The following PPP2R5C variants were observed in gnomAD, a reference collection of about 807,000 sequenced individuals.
PPP2R5C encodes protein phosphatase 2 regulatory subunit B'gamma.
Under a neutral mutation model 68.9 loss-of-function variants are expected in PPP2R5C, and 7 were observed. The observed-to-expected ratio is 0.10, with a 90% CI of 0.06 to 0.19. The LOEUF (loss-of-function observed/expected upper bound fraction) is 0.19, where lower values mean the gene tolerates loss of function less well. Among genes scored for constraint, PPP2R5C ranks in the 10% least tolerant of loss-of-function variants. PPP2R5C has a pLI of 1.00. For synonymous variants in PPP2R5C, 210 were observed against 222.2 expected, an observed-to-expected ratio of 0.95 and a Z score of 0.49; for missense variants, 348 against 641.3, an observed-to-expected ratio of 0.54 and a Z score of 4.94.
chr14:101,836,527 T>A (rs914188792), intron 1 of PPP2R5C: 2 of 576,034 alleles, frequency 3.5e-6, no homozygotes, highest in Non-Finnish European at 6.2e-6. Flanking sequence ...TTCAAAATAT[T>A]GTTTAGACAA....
At chr14:101,809,695 C>T, upstream of PPP2R5C, 1 of 652,908 alleles carries the variant, frequency 1.5e-6, no homozygotes, top group Non-Finnish European at 2.2e-6. Flanking sequence ...CTGCAAAAAG[C>T]CGGAAAATAT....
At chr14:101,776,296 T>C (rs531631465) in intron 2 of PPP2R5C, among the ~76,000 whole-genome samples, 1 of 152,328 alleles carries the variant, frequency 6.6e-6, no homozygotes, top group South Asian at 2.1e-4. Context: ...GTGAGTTCCC[T>C]GTAACCAGCA....
At chr14:101,875,014 A>G (rs879938466) in intron 2 of PPP2R5C, among the ~76,000 whole-genome samples, 4 of 152,230 alleles carry the variant, frequency 2.6e-5, no homozygotes, top group Non-Finnish European at 4.4e-5. Flanking sequence ...TGCTGGGATT[A>G]CAGGGGTGAG....
chr14:101,810,846 A>G (rs2140190436), intron 1 of PPP2R5C, among the ~76,000 whole-genome samples: 1 of 152,356 alleles, frequency 6.6e-6, no homozygotes, highest in Middle Eastern at 3.4e-3. Flanking sequence ...AACTACAGGC[A>G]TCAGGGTAGT....
chr14:101,824,019 G>A, intron 1 of PPP2R5C: 1 of 1,289,176 alleles, frequency 7.8e-7, no homozygotes, highest in Middle Eastern at 2.1e-4. Context: ...ACTAGGCACA[G>A]TGCCCACTTG....
chr14:101,889,479 T>G (rs1051757716), intron 5 of PPP2R5C, among the ~76,000 whole-genome samples: 2 of 152,216 alleles, frequency 1.3e-5, no homozygotes, highest in Non-Finnish European at 2.9e-5. Context: ...ATCAAACAGA[T>G]GCCAGGCTTG....
intron 1 of PPP2R5C, among the ~76,000 whole-genome samples, chr14:101,831,300 G>T (rs530447617): frequency 3.5e-4 from 53 of 152,260 alleles, no homozygotes; most frequent in African/African-American, 1.2e-3. Context: ...ATGACATTAT[G>T]TTTATTTTTG....
chr14:101,821,651 G>T (rs1257574853), intron 1 of PPP2R5C, among the ~76,000 whole-genome samples: 1 of 151,804 alleles, frequency 6.6e-6, no homozygotes, highest in Non-Finnish European at 1.5e-5. Flanking sequence ...CTGAGTTGGT[G>T]TTACGTCATA....
chr14:101,926,652 A>C (rs1481395575), exon 14 of PPP2R5C: 1 of 152,522 alleles, frequency 6.6e-6, no homozygotes, highest in Non-Finnish European at 1.5e-5. Context: ...TATATAACTT[A>C]ATGTTAAGTG....
chr14:101,764,445 T>G lies in PPP2R5C; in HGVS notation c.93+1475T>G, dbSNP rs142907993. On this transcript the variant is annotated intron_variant, in intron 2 of 14. Transcript: ENST00000328724. The stretch of plus-strand genomic sequence containing the variant: ...CCAAATTAGAATGAGTTCAGTTCTG[T>G]CTGGGAAACACAGTTAACTGGCGAT... Among the ~76,000 whole-genome samples the G allele has an allele frequency of 2.0e-4, 30 of 152,368 alleles. 1 individual carries two copies. In the East Asian group the frequency reaches 5.4e-3, roughly 27 times the overall value.
Position 101,823,833 on chromosome 14 carries a change from T to C in PPP2R5C, c.94+13797T>C, listed in dbSNP as rs2040234471. ...AGGGATCTATCTACACGGTACTTTCTGCTCTCAGCTTTTTACAGTGGTGTA... is the reference window on the plus strand; with the variant it reads ...AGGGATCTATCTACACGGTACTTTCCGCTCTCAGCTTTTTACAGTGGTGTA... On this transcript the variant is annotated intron_variant, in intron 1 of 13. Coordinates refer to ENST00000334743, the Ensembl canonical transcript of PPP2R5C. The C allele has an allele frequency of 2.5e-6, 3 of 1,193,852 alleles. No individual in the cohort carries two copies. In the South Asian group the frequency reaches 4.5e-5, roughly 18 times the overall value. 74.0% of individuals were successfully genotyped at this position (1,193,852 alleles called of 1,614,324 possible).
At position 101,836,107 on chromosome 14, in the gene PPP2R5C, A is replaced by G. The variant is rs376580049; in HGVS notation, c.95-20579A>G. The G allele has an allele frequency of 4.1e-5, 27 of 656,526 alleles. No homozygotes were observed. In the East Asian group the frequency reaches 5.5e-4, roughly 13 times the overall value. The allele number at this position is 656,526 out of a possible 1,614,324, so 40.7% of individuals were successfully genotyped here. Reference sequence around the variant, plus strand: ...ATTACTTAAGGAAATTCCTCAATCCACAAGCAACAATAAATAAGAAACTGA... The same window carrying G: ...ATTACTTAAGGAAATTCCTCAATCCGCAAGCAACAATAAATAAGAAACTGA... On this transcript the variant is annotated intron_variant, in intron 1 of 13. Coordinates refer to ENST00000334743, the Ensembl canonical transcript of PPP2R5C.
chr14:101,913,040 C>T lies in PPP2R5C; in HGVS notation c.1326+567C>T, dbSNP rs987268278. Among the ~76,000 whole-genome samples, 4 of 152,180 alleles carry T rather than the reference C, an allele frequency of 2.6e-5. No homozygotes were observed. Among genetic ancestry groups the T allele is most frequent in the East Asian group, 3.8e-4 (2 of 5,198 alleles). ...AGTCTGCGCCGATGGCCGGACGTCC[C>T]GGAGCTGCCGGCAGTTCCAGCTGCC... is the stretch of plus-strand genomic sequence containing the variant. On this transcript the variant is annotated intron_variant, in intron 12 of 13. Coordinates refer to ENST00000334743, the Ensembl canonical transcript of PPP2R5C. This position sits in a 1 kb window ranked among gnomAD's most constrained non-coding sequence, Gnocchi z 4.1.
chr14:101,765,538 A>T, intron 2 of PPP2R5C: 2 of 308,566 alleles, frequency 6.5e-6, no homozygotes, highest in Non-Finnish European at 1.2e-5. Flanking sequence ...CAATTTAAAT[A>T]GGCTTGACAT....
At chr14:101,821,120 A>T (rs1379859685) in intron 1 of PPP2R5C, 1 of 151,766 alleles carries the variant, frequency 6.6e-6, no homozygotes, top group Non-Finnish European at 1.5e-5. Context: ...ATAAAAAAAA[A>T]TTAAGTAGTC....
intron 1 of PPP2R5C, among the ~76,000 whole-genome samples, chr14:101,821,444 GGTGGGTGGGTGTGTGT>G (rs1448038027): frequency 7.7e-6 from 1 of 130,060 alleles, no homozygotes; most frequent in East Asian, 2.2e-4. Context: ...GTGGGGGGTG[GGTGGGTGGGTGTGTGT>G]GTGTGTGTGT....
chr14:101,866,759 C>T (rs1019167486), intron 2 of PPP2R5C, among the ~76,000 whole-genome samples: 6 of 152,082 alleles, frequency 3.9e-5, no homozygotes, highest in African/African-American at 1.2e-4. Flanking sequence ...TTAATTTTTC[C>T]CTTTTACTAT....
chr14:101,804,001 T>C (rs2038976601), intron 3 of PPP2R5C, among the ~76,000 whole-genome samples: 1 of 152,030 alleles, frequency 6.6e-6, no homozygotes, highest in Non-Finnish European at 1.5e-5. Flanking sequence ...AACCAGAATA[T>C]ATAAGGAGCT....
chr14:101,886,982 G>A (rs1164350905), intron 5 of PPP2R5C, among the ~76,000 whole-genome samples: 1 of 152,162 alleles, frequency 6.6e-6, no homozygotes, highest in African/African-American at 2.4e-5. Flanking sequence ...TGATCCTCCT[G>A]CCTCAGCCTC....
Sources: allele counts gnomAD v4.1 joint callset (sites outside exome capture counted in the v4.1 genomes callset), GRCh38; gene constraint gnomAD v4.1.1; non-coding constraint Gnocchi (gnomAD v3.1); transcripts MANE v1.5; gene names NCBI Gene and HGNC (gene_info 2026-07-23, HGNC 2026-07-21).